Variants in PIGU observed in about 807,000 individuals in gnomAD.
PIGU encodes GPI-anchor transamidase component PIGU.
PIGU carries 24 observed loss-of-function variants against 49.9 expected under a neutral mutation model. That is an observed-to-expected ratio of 0.48 (90% CI 0.35 to 0.68). The LOEUF (loss-of-function observed/expected upper bound fraction) is 0.68, where lower values mean the gene tolerates loss of function less well. Ranked by LOEUF, PIGU falls within the 30% of genes least tolerant of loss-of-function variation. The pLI, the probability that PIGU is intolerant of heterozygous loss-of-function variation, is 0.01. For synonymous variants in PIGU, 220 were observed against 205.7 expected (o/e 1.07, Z -0.59); for missense variants, 490 against 532.6 (o/e 0.92, Z 0.79).
chr20:34,565,708 GACACACACAC>G (rs138862528), intron 11 of PIGU, among the ~76,000 whole-genome samples: 1 of 147,002 alleles, frequency 6.8e-6, no homozygotes, highest in African/African-American at 2.5e-5. Context: ...CACCTCTCTG[GACACACACAC>G]ACACACACAC....
At chr20:34,621,170 T>G (rs1985207796) in intron 6 of PIGU, among the ~76,000 whole-genome samples, 1 of 152,106 alleles carries the variant, frequency 6.6e-6, no homozygotes, top group African/African-American at 2.4e-5. Context: ...CAGCACCTAG[T>G]ACAGTTCCTG....
At chr20:34,642,834 T>C (rs1224824600) in intron 4 of PIGU, among the ~76,000 whole-genome samples, 1 of 143,240 alleles carries the variant, frequency 7.0e-6, no homozygotes, top group Non-Finnish European at 1.5e-5. Context: ...CTTGGCTCAC[T>C]CCAATCTCCA....
intron 2 of PIGU, among the ~76,000 whole-genome samples, chr20:34,653,917 G>A (rs1006865098): frequency 6.6e-6 from 1 of 151,776 alleles, no homozygotes; most frequent in Admixed American, 6.6e-5. Context: ...GAGTGCAGTG[G>A]CACCATCTCG....
intron 6 of PIGU, among the ~76,000 whole-genome samples, chr20:34,628,590 C>T (rs1193677653): frequency 6.6e-6 from 1 of 152,140 alleles, no homozygotes; most frequent in Non-Finnish European, 1.5e-5. Flanking sequence ...GTGGCTCACA[C>T]CTGTAACCCC....
intron 1 of PIGU, among the ~76,000 whole-genome samples, chr20:34,661,547 C>CT (rs796294249): frequency 0.012 from 1,696 of 140,062 alleles, 34 homozygotes; most frequent in East Asian, 0.039. Context: ...TGAGCTCATT[C>CT]TTTTTTTTTT....
chr20:34,657,253 T>G lies in PIGU; in HGVS notation c.131-9A>C. 1.2e-6 allele frequency: 2 copies of G among 1,607,708 alleles called. No homozygotes were observed. Among genetic ancestry groups the G allele is most frequent in the African/African-American group, 2.7e-5 (2 of 74,840 alleles). ...TGAAAGGCCTTCAACCACTGAAAAA[T>G]TAGATATACAAGTTCACTCAGACTA... On this transcript the variant is annotated splice_polypyrimidine_tract_variant and intron_variant, in intron 1 of 11. Transcript: ENST00000217446.
In PIGU at chr20:34,645,471, T is replaced by G. The variant is rs1452141977; in HGVS notation, c.196-137A>C. 3 of 1,221,088 alleles carry G rather than the reference T, an allele frequency of 2.5e-6. No individual in the cohort carries two copies. The African/African-American group carries it at 4.7e-5, about 19-fold the overall frequency. 75.6% of individuals were successfully genotyped at this position (1,221,088 alleles called of 1,614,324 possible). A position where few individuals can be genotyped will look rare whatever the true frequency, so the allele number is the denominator to read the frequency against. ...TATTCTCCTTCCTGGAATACTGTTC[T>G]ACGCCAGCTGGCCGGTGTGCTTATA... On this transcript the variant is annotated intron_variant, in intron 2 of 11. Transcript: ENST00000217446.
intron 6 of PIGU, among the ~76,000 whole-genome samples, chr20:34,628,907 T>C (rs1985595299): frequency 6.6e-6 from 1 of 152,196 alleles, no homozygotes; most frequent in Non-Finnish European, 1.5e-5. Context: ...GGTTGTATTA[T>C]TGGCCCCAAT....
At chr20:34,631,529 T>C (rs78933203) in intron 6 of PIGU, among the ~76,000 whole-genome samples, 1 of 148,556 alleles carries the variant, frequency 6.7e-6, no homozygotes, top group African/African-American at 2.5e-5. Context: ...ACGCTCAGGA[T>C]AAAAAGAAGA....
chr20:34,655,149 A>C (rs1986666519), intron 2 of PIGU, among the ~76,000 whole-genome samples: 1 of 119,812 alleles, frequency 8.3e-6, no homozygotes, highest in Non-Finnish European at 1.8e-5. Flanking sequence ...TCTACAAAGA[A>C]ATTTTTAAAA....
intron 6 of PIGU, among the ~76,000 whole-genome samples, chr20:34,629,421 C>T (rs549639990): frequency 1.3e-5 from 2 of 152,286 alleles, no homozygotes; most frequent in East Asian, 3.9e-4. Flanking sequence ...TGTGCTTCTG[C>T]CATTGCTATG....
intron 11 of PIGU, among the ~76,000 whole-genome samples, chr20:34,566,330 C>G (rs2146690800): frequency 6.6e-6 from 1 of 152,390 alleles, no homozygotes; most frequent in African/African-American, 2.4e-5. Context: ...GGCCAGCTCT[C>G]TCTGAGTTGT....
chr20:34,659,033 G>A (rs1986820937), intron 1 of PIGU, among the ~76,000 whole-genome samples: 1 of 148,564 alleles, frequency 6.7e-6, no homozygotes, highest in African/African-American at 2.5e-5. Context: ...TGGGAAGTGA[G>A]GAGCCCCTCT....
At chr20:34,606,374 C>G (rs116172841) in intron 7 of PIGU, among the ~76,000 whole-genome samples, 1,911 of 151,964 alleles carry the variant, frequency 0.013, 47 homozygotes, top group African/African-American at 0.044. Context: ...AAAATCCAAT[C>G]AAGACTCTCC....
chr20:34,676,828 A>G lies in PIGU; in HGVS notation c.130+128T>C, dbSNP rs575314863. ...GCCCTCAGGCCCCGCCCTCTCCAAG[A>G]ACCCCACGAGACAGTCAGTTAGTTC... On this transcript the variant is annotated intron_variant, in intron 1 of 11. Transcript: ENST00000217446. 2.1e-3 allele frequency: 2,681 copies of G among 1,301,496 alleles called. 69 individuals are homozygous for G. The African/African-American group carries it at 0.037, about 18-fold the overall frequency. 80.6% of individuals were successfully genotyped at this position (1,301,496 alleles called of 1,614,324 possible).
intron 1 of PIGU, among the ~76,000 whole-genome samples, chr20:34,672,527 G>A (rs904582517): frequency 4.6e-5 from 7 of 151,962 alleles, no homozygotes; most frequent in Admixed American, 4.6e-4. Context: ...AGTTCAATGT[G>A]ACTTAATTCC....
intron 2 of PIGU, among the ~76,000 whole-genome samples, chr20:34,646,185 T>C (rs941452170): frequency 6.6e-6 from 1 of 152,186 alleles, no homozygotes; most frequent in Non-Finnish European, 1.5e-5. Flanking sequence ...TGGATTTTCT[T>C]TGAGAGATTT....
chr20:34,653,889 G>T (rs1401497612), intron 2 of PIGU, among the ~76,000 whole-genome samples: 1 of 150,982 alleles, frequency 6.6e-6, no homozygotes, highest in Non-Finnish European at 1.5e-5. Context: ...ACGGAGTCTC[G>T]CTCTGTCACC....
chr20:34,601,043 A>AG (rs1265529052), intron 7 of PIGU, among the ~76,000 whole-genome samples: 2 of 149,420 alleles, frequency 1.3e-5, no homozygotes, highest in Non-Finnish European at 3.0e-5. Context: ...TCAAAAAAGA[A>AG]AAAAAAAAAA....
Sources: allele counts gnomAD v4.1 joint callset (sites outside exome capture counted in the v4.1 genomes callset), GRCh38; gene constraint gnomAD v4.1.1; transcripts MANE v1.5; gene names NCBI Gene and HGNC (gene_info 2026-07-23, HGNC 2026-07-21).